Variants in NSMCE2 observed in about 807,000 individuals in gnomAD.
The protein encoded by NSMCE2 is E3 SUMO-protein ligase NSE2.
NSMCE2 carries 24 observed loss-of-function variants against 23.8 expected under a neutral mutation model. The observed-to-expected ratio is 1.01, with a 90% confidence interval of 0.73 to 1.42. The LOEUF (loss-of-function observed/expected upper bound fraction) is 1.42. Ranked by LOEUF, NSMCE2 falls within the 40% of genes most tolerant of loss-of-function variation. The pLI, the probability that NSMCE2 is intolerant of heterozygous loss-of-function variation, is 0.00. For missense variants in NSMCE2, 284 were observed against 296.5 expected (o/e 0.96, Z 0.31); for synonymous variants, 92 against 94.1 (o/e 0.98, Z 0.13).
intron 5 of NSMCE2, among the ~76,000 whole-genome samples, chr8:125,275,761 T>C (rs1434905760): frequency 6.6e-6 from 1 of 150,546 alleles, no homozygotes; most frequent in African/African-American, 2.4e-5. Context: ...GAATAAATAC[T>C]AATATCCAGA....
At chr8:125,121,056 A>G (rs1466703694) in intron 3 of NSMCE2, among the ~76,000 whole-genome samples, 1 of 152,200 alleles carries the variant, frequency 6.6e-6, no homozygotes, top group African/African-American at 2.4e-5. Context: ...CTTGGAAGGC[A>G]TCTTTTATTA....
At chr8:125,203,030 T>C (rs73349893) in intron 5 of NSMCE2, among the ~76,000 whole-genome samples, 16,912 of 152,182 alleles carry the variant, frequency 0.11, 1,119 homozygotes, top group African/African-American at 0.18. Flanking sequence ...TATGCTCTGA[T>C]GAAAACATGA....
chr8:125,159,791 C>T (rs567508587), intron 4 of NSMCE2, among the ~76,000 whole-genome samples: 6 of 152,034 alleles, frequency 3.9e-5, no homozygotes, highest in Non-Finnish European at 7.4e-5. Context: ...AAAACCCCGT[C>T]TCTACTAAAA....
intron 5 of NSMCE2, among the ~76,000 whole-genome samples, chr8:125,328,748 C>T (rs534524716): frequency 3.9e-5 from 6 of 152,256 alleles, no homozygotes; most frequent in South Asian, 2.1e-4. Context: ...TTCATTCATC[C>T]CTGTCATCTG....
chr8:125,229,770 TTGTTTTAG>T (rs920506829), intron 5 of NSMCE2, among the ~76,000 whole-genome samples: 3 of 152,194 alleles, frequency 2.0e-5, no homozygotes, highest in African/African-American at 7.2e-5. Flanking sequence ...CTTTAGTTGA[TTGTTTTAG>T]TGTTTTATTA....
chr8:125,297,807 C>G (rs1828387601), intron 5 of NSMCE2, among the ~76,000 whole-genome samples: 2 of 151,932 alleles, frequency 1.3e-5, no homozygotes, highest in African/African-American at 4.8e-5. Flanking sequence ...TGCACTCCAG[C>G]CCATCAACAG....
At position 125,106,146 on chromosome 8, in the gene NSMCE2, T is replaced by G. The variant is rs181919574; in HGVS notation, c.157+3659T>G. On this transcript the variant is annotated intron_variant, in intron 3 of 7. Coordinates refer to ENST00000287437, the MANE Select transcript of NSMCE2 (RefSeq NM_173685.4). ...AACCAAGTGACTATTCTGCATATAATTCAGCTCTAGGTTTTAAAGAGGACA... is the reference window on the plus strand; with the variant it reads ...AACCAAGTGACTATTCTGCATATAAGTCAGCTCTAGGTTTTAAAGAGGACA... 2.0e-5 allele frequency among the ~76,000 whole-genome samples: 3 copies of G among 152,218 alleles called. No homozygotes were observed. In the East Asian group the frequency reaches 5.8e-4, roughly 29 times the overall value.
intron 5 of NSMCE2, among the ~76,000 whole-genome samples, chr8:125,264,523 C>T (rs779577392): frequency 1.3e-5 from 2 of 152,182 alleles, no homozygotes; most frequent in Admixed American, 1.3e-4. Flanking sequence ...TCTCATTCCT[C>T]GGCCTCCTGA....
intron 5 of NSMCE2, among the ~76,000 whole-genome samples, chr8:125,302,441 A>G (rs1828602936): frequency 6.6e-6 from 1 of 152,178 alleles, no homozygotes; most frequent in Non-Finnish European, 1.5e-5. Flanking sequence ...AAAGTAGGAG[A>G]TGAGATCAGA....
At chr8:125,314,540 T>C (rs1022608145) in intron 5 of NSMCE2, among the ~76,000 whole-genome samples, 9 of 152,236 alleles carry the variant, frequency 5.9e-5, no homozygotes, top group Non-Finnish European at 1.0e-4. Context: ...TCCACCCGCC[T>C]TGGCCTCCCA....
rs116423563 is a variant in NSMCE2 at position 125,152,627 on chromosome 8, C to T, written c.264+1350C>T. Among the ~76,000 whole-genome samples the T allele has an allele frequency of 3.2e-3, 487 of 152,218 alleles. 1 individual carries two copies. The highest frequency in any genetic ancestry group is 0.011 in the African/African-American group (458 of 41,546). Reference sequence around the variant, plus strand: ...GATAAGCCTTTCTATCTTTAACTTTCATACTGTGCAAATGCAATAGCACAG... The same window carrying T: ...GATAAGCCTTTCTATCTTTAACTTTTATACTGTGCAAATGCAATAGCACAG... On this transcript the variant is annotated intron_variant, in intron 4 of 7. Coordinates refer to ENST00000287437, the MANE Select transcript of NSMCE2 (RefSeq NM_173685.4).
rs185046837 is a variant in NSMCE2 at position 125,114,062 on chromosome 8, A to C, written c.157+11575A>C. Reference sequence around the variant, plus strand: ...TCAAGAAGTTACCTATAAGCACATGATCTTCTGAAAATCTGAACATAAATA... The same window carrying C: ...TCAAGAAGTTACCTATAAGCACATGCTCTTCTGAAAATCTGAACATAAATA... On this transcript the variant is annotated intron_variant, in intron 3 of 7. Coordinates refer to ENST00000287437, the MANE Select transcript of NSMCE2 (RefSeq NM_173685.4). 3.1e-3 allele frequency among the ~76,000 whole-genome samples: 469 copies of C among 152,294 alleles called. 3 individuals are homozygous for C. Among genetic ancestry groups the C allele is most frequent in the African/African-American group, 0.011 (451 of 41,552 alleles).
intron 5 of NSMCE2, among the ~76,000 whole-genome samples, chr8:125,240,440 C>T (rs147431523): frequency 7.2e-5 from 11 of 152,274 alleles, no homozygotes; most frequent in African/African-American, 2.6e-4. Context: ...TTCAGAATTA[C>T]ATTACTGTCT....
intron 3 of NSMCE2, among the ~76,000 whole-genome samples, chr8:125,116,584 G>A (rs1819015372): frequency 1.3e-5 from 2 of 152,046 alleles, no homozygotes; most frequent in South Asian, 2.1e-4. Context: ...GTGTGTGTGC[G>A]TATATGTGCA....
At chr8:125,254,183 T>C (rs1826314555) in intron 5 of NSMCE2, among the ~76,000 whole-genome samples, 1 of 152,252 alleles carries the variant, frequency 6.6e-6, no homozygotes, top group Non-Finnish European at 1.5e-5. Flanking sequence ...CAAACTCTAA[T>C]ATCTCTATTG....
intron 5 of NSMCE2, among the ~76,000 whole-genome samples, chr8:125,188,621 A>T (rs540513622): frequency 6.6e-6 from 1 of 152,278 alleles, no homozygotes; most frequent in East Asian, 1.9e-4. Context: ...CTTTGCCTTT[A>T]CTTTCTCATA....
At chr8:125,170,013 T>C (rs1045045499) in intron 4 of NSMCE2, among the ~76,000 whole-genome samples, 1 of 152,066 alleles carries the variant, frequency 6.6e-6, no homozygotes, top group Non-Finnish European at 1.5e-5. Context: ...TGCTCTGATA[T>C]CATCCCATCT....
intron 5 of NSMCE2, among the ~76,000 whole-genome samples, chr8:125,294,094 A>G (rs990752879): frequency 1.3e-5 from 2 of 152,208 alleles, no homozygotes; most frequent in African/African-American, 4.8e-5. Context: ...TTCACTTGGC[A>G]TAATGTTTTC....
chr8:125,168,331 G>A (rs1822000977), intron 4 of NSMCE2, among the ~76,000 whole-genome samples: 2 of 152,166 alleles, frequency 1.3e-5, no homozygotes, highest in Non-Finnish European at 2.9e-5. Context: ...AGGAAACACT[G>A]GGAGGAGGAT....
Sources: gnomAD v4.1 joint callset for allele counts (sites outside exome capture counted in the v4.1 genomes callset) on GRCh38, gnomAD v4.1.1 for gene constraint, MANE v1.5 for transcripts, NCBI Gene and HGNC (gene_info 2026-07-23, HGNC 2026-07-21) for gene names.